The following MLLT3 variants were observed in gnomAD, a reference collection of about 807,000 sequenced individuals.
MLLT3 encodes MLLT3 super elongation complex subunit, also known as protein AF-9.
Under a neutral mutation model 53.2 loss-of-function variants are expected in MLLT3, and 4 were observed. The ratio of observed to expected loss-of-function variants is 0.08; its 90% CI spans 0.04 to 0.17. The LOEUF is 0.17. Among genes scored for constraint, MLLT3 ranks in the 10% least tolerant of loss-of-function variants. The pLI, the probability that MLLT3 is intolerant of heterozygous loss-of-function variation, is 1.00. For synonymous variants in MLLT3, 283 were observed against 230.6 expected (o/e 1.23, Z -2.06); for missense variants, 569 against 684.0 (o/e 0.83, Z 1.87).
intron 2 of MLLT3, among the ~76,000 whole-genome samples, chr9:20,494,365 G>C (rs568234909): frequency 8.6e-5 from 13 of 152,016 alleles, no homozygotes; most frequent in Admixed American, 1.3e-4. Flanking sequence ...AAGCTTTAAA[G>C]ATGCTGATTT....
At chr9:20,515,184 G>A (rs1304303273) in intron 2 of MLLT3, among the ~76,000 whole-genome samples, 3 of 152,008 alleles carry the variant, frequency 2.0e-5, no homozygotes, top group African/African-American at 7.2e-5. Context: ...CTGACCTCGT[G>A]AGCCACCTGC....
At chr9:20,579,566 G>A (rs1472461535) in intron 2 of MLLT3, among the ~76,000 whole-genome samples, 2 of 152,002 alleles carry the variant, frequency 1.3e-5, no homozygotes, top group South Asian at 4.2e-4. Flanking sequence ...CAATTCTGAC[G>A]CATGAATAAA....
chr9:20,501,341 A>T (rs1309136289), intron 2 of MLLT3, among the ~76,000 whole-genome samples: 5 of 152,348 alleles, frequency 3.3e-5, no homozygotes, highest in African/African-American at 4.8e-5. Context: ...CAAATAAGAC[A>T]GTTTCCTTCC....
intron 5 of MLLT3, among the ~76,000 whole-genome samples, chr9:20,382,694 G>T (rs1445412057): frequency 6.6e-6 from 1 of 151,888 alleles, no homozygotes; most frequent in Non-Finnish European, 1.5e-5. Context: ...CATTCTTCTA[G>T]AGAGATCGGA....
chr9:20,604,170 A>T (rs1199663595), intron 2 of MLLT3, among the ~76,000 whole-genome samples: 7 of 152,062 alleles, frequency 4.6e-5, no homozygotes, highest in Non-Finnish European at 1.0e-4. Context: ...CAAACACATT[A>T]TACAGAAGGA....
At chr9:20,602,350 T>G (rs12003167) in intron 2 of MLLT3, among the ~76,000 whole-genome samples, 4,196 of 152,242 alleles carry the variant, frequency 0.028, 187 homozygotes, top group African/African-American at 0.096. Context: ...ATAGTATTTA[T>G]TCAATGTAGC....
Position 20,418,929 on chromosome 9 carries a change from AAAT to A in MLLT3, c.421-4507_421-4505del, listed in dbSNP as rs575695981. Among the ~76,000 whole-genome samples, 3 of 152,326 alleles carry A rather than the reference AAAT, an allele frequency of 2.0e-5. No individual in the cohort carries two copies. In the South Asian group the frequency reaches 6.2e-4, roughly 32 times the overall value. On this transcript the variant is annotated intron_variant, in intron 4 of 10. Transcript: ENST00000380338. ...AGAATCCTCTAGGTGTATAAACAAG[AAAT>A]AGATAATATGCTTGCTGCTACTGTG...
At chr9:20,351,841 T>C (rs1237608735) in intron 10 of MLLT3, among the ~76,000 whole-genome samples, 2 of 152,214 alleles carry the variant, frequency 1.3e-5, no homozygotes, top group East Asian at 3.8e-4. Context: ...AGGAATTAAT[T>C]AAGCAGTAAA....
intron 2 of MLLT3, among the ~76,000 whole-genome samples, chr9:20,569,262 C>T (rs1819463620): frequency 1.3e-5 from 2 of 152,102 alleles, no homozygotes; most frequent in East Asian, 1.9e-4. Flanking sequence ...GAACTCTTAT[C>T]GTTCCCATTT....
intron 2 of MLLT3, among the ~76,000 whole-genome samples, chr9:20,597,517 A>G (rs1820305374): frequency 6.6e-6 from 1 of 152,194 alleles, no homozygotes; most frequent in Non-Finnish European, 1.5e-5. Flanking sequence ...TACTGTTAAG[A>G]GCCTCAGAAG....
intron 2 of MLLT3, among the ~76,000 whole-genome samples, chr9:20,540,863 A>C (rs1818612155): frequency 6.6e-6 from 1 of 152,114 alleles, no homozygotes; most frequent in Non-Finnish European, 1.5e-5. Context: ...CAGGCTGCAA[A>C]TTTTCCAAGT....
intron 2 of MLLT3, among the ~76,000 whole-genome samples, chr9:20,558,421 G>A (rs748808053): frequency 4.3e-4 from 65 of 152,206 alleles, no homozygotes; most frequent in Middle Eastern, 6.8e-3. Context: ...GATTACAGAC[G>A]TGAGCCACTG....
intron 2 of MLLT3, among the ~76,000 whole-genome samples, chr9:20,470,207 A>C (rs1034100865): frequency 1.3e-5 from 2 of 152,046 alleles, no homozygotes; most frequent in African/African-American, 4.8e-5. Flanking sequence ...ATGGAAATAC[A>C]AACTTGGCTC....
intron 4 of MLLT3, chr9:20,418,555 C>A (rs1030883638): frequency 6.6e-6 from 1 of 152,162 alleles, no homozygotes; most frequent in African/African-American, 2.4e-5. Context: ...AGCTAACGGG[C>A]GTCTTGAGAA....
chr9:20,613,796 T>C (rs995246722), intron 2 of MLLT3, among the ~76,000 whole-genome samples: 1 of 152,104 alleles, frequency 6.6e-6, no homozygotes, highest in African/African-American at 2.4e-5. Flanking sequence ...TGAGGAAATA[T>C]AAACTGGGAC....
intron 2 of MLLT3, among the ~76,000 whole-genome samples, chr9:20,566,829 C>A (rs528036058): frequency 2.0e-5 from 3 of 152,258 alleles, no homozygotes; most frequent in African/African-American, 7.2e-5. Context: ...GAACCTAGGG[C>A]TCCAGGTGGT....
rs1355974177 is a variant in MLLT3 at position 20,448,047 on chromosome 9, A to T, written c.420+76T>A. On this transcript the variant is annotated intron_variant, in intron 4 of 10. Coordinates refer to ENST00000380338, the MANE Select transcript of MLLT3 (RefSeq NM_004529.4). The surrounding 1 kb of genome is among the most constrained non-coding windows in gnomAD (Gnocchi z 4.0). ...ACCTTATACTTTTTAACACATGAGG[A>T]ACTAGTTTGTTTGTTTTTTTTTTTG... The T allele has an allele frequency of 6.8e-7, 1 of 1,472,502 alleles. No homozygotes were observed. 91.2% of individuals were successfully genotyped at this position (1,472,502 alleles called of 1,614,324 possible).
At chr9:20,444,528 T>C (rs1329630916) in intron 4 of MLLT3, among the ~76,000 whole-genome samples, 2 of 152,136 alleles carry the variant, frequency 1.3e-5, no homozygotes, top group Non-Finnish European at 2.9e-5. Context: ...AAGTAAGTTC[T>C]CAAGTTGTTC....
chr9:20,516,387 A>G (rs1817920714), intron 2 of MLLT3, among the ~76,000 whole-genome samples: 2 of 152,236 alleles, frequency 1.3e-5, no homozygotes, highest in Admixed American at 1.3e-4. Context: ...ATTACAGTTA[A>G]TCACAGAGCT....
Sources: allele counts gnomAD v4.1 joint callset (sites outside exome capture counted in the v4.1 genomes callset), GRCh38; gene constraint gnomAD v4.1.1; non-coding constraint Gnocchi (gnomAD v3.1); transcripts MANE v1.5; gene names NCBI Gene and HGNC (gene_info 2026-07-23, HGNC 2026-07-21).